FAM184A: variants seen among roughly 807,000 people sequenced by gnomAD.
FAM184A encodes family with sequence similarity 184 member A.
Under a neutral mutation model 143.8 loss-of-function variants are expected in FAM184A, and 99 were observed. That is an observed-to-expected ratio of 0.69 (90% CI 0.58 to 0.81). The LOEUF (loss-of-function observed/expected upper bound fraction) is 0.81. Among genes scored for constraint, FAM184A ranks in the 40% least tolerant of loss-of-function variants. The pLI is 0.00. For synonymous variants in FAM184A, 427 were observed against 446.4 expected (o/e 0.96, Z 0.55); for missense variants, 1,217 against 1,310.5 (o/e 0.93, Z 1.10).
upstream of FAM184A, among the ~76,000 whole-genome samples, chr6:119,082,000 G>C (rs1385278230): frequency 6.6e-6 from 1 of 152,186 alleles, no homozygotes; most frequent in Non-Finnish European, 1.5e-5. Flanking sequence ...GGGTCCCCAG[G>C]TTTTTATAGG....
chr6:119,098,789 G>A (rs1788571406), intron 1 of FAM184A, among the ~76,000 whole-genome samples: 1 of 152,160 alleles, frequency 6.6e-6, no homozygotes, highest in Non-Finnish European at 1.5e-5. Context: ...GACCCATTTA[G>A]TAGGGGTCTG....
chr6:119,022,366 C>T (rs2114686188), intron 3 of FAM184A, among the ~76,000 whole-genome samples: 1 of 151,992 alleles, frequency 6.6e-6, no homozygotes, highest in Admixed American at 6.5e-5. Flanking sequence ...GCCCGTTTTT[C>T]TTTTAGTGAC....
intron 3 of FAM184A, among the ~76,000 whole-genome samples, chr6:119,021,409 C>T (rs951635055): frequency 6.6e-6 from 1 of 152,210 alleles, no homozygotes; most frequent in Non-Finnish European, 1.5e-5. Context: ...ATAGGCAAGT[C>T]AGCTTTAGTA....
chr6:119,034,732 T>C lies in FAM184A; in HGVS notation c.160-9919A>G, dbSNP rs189405400. Among the ~76,000 whole-genome samples the C allele has an allele frequency of 6.2e-4, 94 of 152,302 alleles. No homozygotes were observed. In the East Asian group the frequency reaches 0.014, roughly 23 times the overall value. On this transcript the variant is annotated intron_variant, in intron 1 of 17. Coordinates refer to ENST00000338891, the MANE Select transcript of FAM184A (RefSeq NM_024581.6). ...TTCTCTTTGTGGAAATCTTACATTG[T>C]GGCTTCTCAATCCATCCTACCTACC...
intron 14 of FAM184A, among the ~76,000 whole-genome samples, chr6:118,969,993 A>ATATAAAATATATATATATATATATAT (rs1189865476): frequency 4.1e-4 from 10 of 24,374 alleles, no homozygotes; most frequent in South Asian, 1.3e-3. Flanking sequence ...ATATATATAT[A>ATATAAAATATATATATATATATATAT]ATATATATAT....
intron 1 of FAM184A, among the ~76,000 whole-genome samples, chr6:119,051,490 C>T (rs867227774): frequency 2.0e-5 from 3 of 152,060 alleles, no homozygotes; most frequent in Non-Finnish European, 2.9e-5. Context: ...TAACTATAGT[C>T]AATAACTTAA....
intron 1 of FAM184A, among the ~76,000 whole-genome samples, chr6:119,101,301 A>C (rs1386493433): frequency 6.6e-6 from 1 of 151,532 alleles, no homozygotes; most frequent in Non-Finnish European, 1.5e-5. Flanking sequence ...TGAACTCCCA[A>C]CCTCCGGTGA....
At chr6:119,113,263 G>C (rs979087111) in intron 1 of FAM184A, among the ~76,000 whole-genome samples, 2 of 152,016 alleles carry the variant, frequency 1.3e-5, no homozygotes, top group Non-Finnish European at 2.9e-5. Context: ...AAACTCTCTC[G>C]CTTGCTCAAC....
intron 9 of FAM184A, among the ~76,000 whole-genome samples, chr6:118,994,339 A>AAATG (rs531350324): frequency 5.3e-5 from 8 of 151,716 alleles, no homozygotes; most frequent in Non-Finnish European, 1.2e-4. Flanking sequence ...TAAAATAAAT[A>AAATG]AATAAATAAA....
Position 119,024,633 on chromosome 6 carries a change from A to G in FAM184A, c.340T>C (p.Ser114Pro). The change falls in exon 2 of 18, where the codon TCA (serine) becomes CCA (proline). Residue 114 changes from serine to proline, a missense_variant. Ser to Pro is a moderately conservative substitution (Grantham distance 74). Coordinates refer to ENST00000338891, the MANE Select transcript of FAM184A (RefSeq NM_024581.6). The part of the protein sequence containing the change: ...LRRKIQVLES[S>P]LEDHIKMKQQ... ...TTCATTTTTATGTGATCTTCTAATG[A>G]TGATTCTAAAACTTGAATCTTTCTT... 1 of 1,614,116 alleles carries G rather than the reference A, an allele frequency of 6.2e-7. No homozygotes were observed.
chr6:119,114,440 T>G (rs1789008474), intron 1 of FAM184A, among the ~76,000 whole-genome samples: 1 of 152,220 alleles, frequency 6.6e-6, no homozygotes, highest in East Asian at 1.9e-4. Flanking sequence ...TATAAAGGAA[T>G]GGACTTTCCT....
At chr6:119,093,791 A>T (rs1426098528) in intron 1 of FAM184A, among the ~76,000 whole-genome samples, 4 of 152,124 alleles carry the variant, frequency 2.6e-5, no homozygotes, top group Non-Finnish European at 4.4e-5. Context: ...GTCCTCATCC[A>T]TATCCTCACA....
chr6:119,043,687 AAG>A (rs1203441636), intron 1 of FAM184A, among the ~76,000 whole-genome samples: 2 of 152,222 alleles, frequency 1.3e-5, no homozygotes, highest in African/African-American at 2.4e-5. Context: ...AGGCTGGGGA[AAG>A]AGAAAAAAAG....
intron 17 of FAM184A, among the ~76,000 whole-genome samples, chr6:118,961,483 TA>T (rs1461968174): frequency 6.6e-5 from 10 of 151,790 alleles, no homozygotes; most frequent in African/African-American, 2.4e-4. Context: ...ATACTAAAAA[TA>T]AAGTAATTGT....
At chr6:119,093,305 C>G (rs1378667592) in intron 1 of FAM184A, among the ~76,000 whole-genome samples, 1 of 152,118 alleles carries the variant, frequency 6.6e-6, no homozygotes, top group Admixed American at 6.5e-5. Flanking sequence ...TGTGGCATCT[C>G]TACATTGTTA....
chr6:119,094,385 C>G (rs1410185472), intron 1 of FAM184A, among the ~76,000 whole-genome samples: 1 of 150,586 alleles, frequency 6.6e-6, no homozygotes, highest in Non-Finnish European at 1.5e-5. Context: ...TTCACAAAAG[C>G]CAGTCAATTC....
At chr6:119,036,372 G>A (rs1216458880) in intron 1 of FAM184A, among the ~76,000 whole-genome samples, 1 of 151,990 alleles carries the variant, frequency 6.6e-6, no homozygotes, top group African/African-American at 2.4e-5. Context: ...TAAGCCAAGG[G>A]CACTATAAAA....
In FAM184A at chr6:119,063,882, C is replaced by T. The variant is rs1489448696; in HGVS notation, c.159+14259G>A. The stretch of plus-strand genomic sequence containing the variant: ...CATCAGTGTAGATTTAGCCATGAGA[C>T]TCATAAAGCTCTCTTCCATCTCAAC... On this transcript the variant is annotated intron_variant, in intron 1 of 17. Transcript: ENST00000338891. Among the ~76,000 whole-genome samples the T allele has an allele frequency of 3.3e-5, 5 of 152,076 alleles. No individual in the cohort carries two copies. The East Asian group carries it at 9.6e-4, about 29-fold the overall frequency.
At position 118,960,144 on chromosome 6, in the gene FAM184A, G is replaced by T; in HGVS notation, c.3382C>A (p.Pro1128Thr). Residue 1128 changes from proline to threonine, a missense_variant, in exon 18 of 18, where the codon CCC becomes ACC. Coordinates refer to ENST00000338891, the MANE Select transcript of FAM184A (RefSeq NM_024581.6). ...CGGGCAAACCACTCCTGGCGCTGGG[G>T]ATCTGGAGAAGCCACTGGAGAAGCT... ...SEASPVASPD[P>T]QRQEWFARYF... 1 of 1,613,420 alleles carries T rather than the reference G, an allele frequency of 6.2e-7. No homozygotes were observed. The highest frequency in any genetic ancestry group is 8.5e-7 in the Non-Finnish European group (1 of 1,179,584).
Sources: allele counts gnomAD v4.1 joint callset (sites outside exome capture counted in the v4.1 genomes callset), GRCh38; gene constraint gnomAD v4.1.1; transcripts MANE v1.5; gene names NCBI Gene and HGNC (gene_info 2026-07-23, HGNC 2026-07-21).